The following NDUFA12 variants were observed in gnomAD, a reference collection of about 807,000 sequenced individuals.
NDUFA12 encodes NADH dehydrogenase [ubiquinone] 1 alpha subcomplex subunit 12.
Under a neutral mutation model 20.3 loss-of-function variants are expected in NDUFA12, and 17 were observed. The ratio of observed to expected loss-of-function variants is 0.84; its 90% CI spans 0.57 to 1.26. The LOEUF is 1.26. Among genes scored for constraint, NDUFA12 ranks in the 50% most tolerant of loss-of-function variants. The pLI is 0.00. For synonymous variants in NDUFA12, 72 were observed against 63.6 expected (o/e 1.13, Z -0.63); for missense variants, 191 against 183.7 (o/e 1.04, Z -0.23).
At chr12:94,986,421 T>C (rs879934530) in intron 3 of NDUFA12, among the ~76,000 whole-genome samples, 1 of 152,092 alleles carries the variant, frequency 6.6e-6, no homozygotes, top group Admixed American at 6.6e-5. Context: ...TCACTGTATA[T>C]TTGGAAATTG....
intron 2 of NDUFA12, 88 bp from the exon 3 acceptor site, chr12:94,994,345 A>T (rs1874749887): frequency 1.0e-6 from 1 of 977,310 alleles, no homozygotes; most frequent in Non-Finnish European, 1.6e-6. Flanking sequence ...CTTTTTATTA[A>T]GAAAAGACTT....
chr12:94,973,791 T>A (rs1873967196), intron 3 of NDUFA12, among the ~76,000 whole-genome samples: 1 of 152,072 alleles, frequency 6.6e-6, no homozygotes, highest in South Asian at 2.1e-4. Context: ...AATTAATAAA[T>A]AATAAACTAT....
At chr12:95,001,658 T>C (rs1171069646) in intron 2 of NDUFA12, among the ~76,000 whole-genome samples, 1 of 152,124 alleles carries the variant, frequency 6.6e-6, no homozygotes. Flanking sequence ...ATTTTTAAAA[T>C]ATAATAAAAC....
chr12:94,972,219 T>C (rs1360252994), intron 3 of NDUFA12, among the ~76,000 whole-genome samples: 1 of 152,120 alleles, frequency 6.6e-6, no homozygotes, highest in Non-Finnish European at 1.5e-5. Flanking sequence ...TGAGCCACCA[T>C]GCCCGGCCCA....
At chr12:94,971,655 G>A (rs772401357) in intron 3 of NDUFA12, 35 bp from the exon 4 acceptor site, 2 of 1,611,480 alleles carry the variant, frequency 1.2e-6, no homozygotes, top group African/African-American at 1.3e-5. Flanking sequence ...CAGTTATGAA[G>A]AGGCAGTACA....
intron 2 of NDUFA12, among the ~76,000 whole-genome samples, chr12:95,001,286 CA>C (rs11301433): frequency 0.31 from 46,504 of 151,786 alleles, 7,489 homozygotes; most frequent in East Asian, 0.42. Flanking sequence ...GCCTAGGCGA[CA>C]GTGAGACCCT....
At chr12:94,998,761 G>A (rs563362831) in intron 2 of NDUFA12, among the ~76,000 whole-genome samples, 1 of 152,134 alleles carries the variant, frequency 6.6e-6, no homozygotes, top group South Asian at 2.1e-4. Flanking sequence ...AAATACTTAG[G>A]AATATACTTA....
chr12:94,989,099 T>C (rs1316880640), intron 3 of NDUFA12, among the ~76,000 whole-genome samples: 1 of 152,194 alleles, frequency 6.6e-6, no homozygotes, highest in East Asian at 1.9e-4. Context: ...TTCTCCCCGC[T>C]TCTACGTCTT....
intron 3 of NDUFA12, among the ~76,000 whole-genome samples, chr12:94,986,535 T>C (rs2136065345): frequency 6.6e-6 from 1 of 152,280 alleles, no homozygotes; most frequent in Non-Finnish European, 1.5e-5. Flanking sequence ...TAAACATGTA[T>C]CAAAACATCA....
intron 2 of NDUFA12, among the ~76,000 whole-genome samples, chr12:95,002,484 T>A (rs1045786315): frequency 6.9e-6 from 1 of 144,122 alleles, no homozygotes; most frequent in East Asian, 2.0e-4. Context: ...CACTTCAAAA[T>A]TTGATAGGTG....
intron 2 of NDUFA12, chr12:94,996,906 C>A: frequency 2.9e-6 from 1 of 350,800 alleles, no homozygotes; most frequent in South Asian, 2.3e-5. Flanking sequence ...ATAATTACCC[C>A]AGGTTCTGCC....
At chr12:94,984,730 CAAAAAA>C (rs1874356990) in intron 3 of NDUFA12, among the ~76,000 whole-genome samples, 1 of 111,308 alleles carries the variant, frequency 9.0e-6, no homozygotes, top group South Asian at 2.8e-4. Context: ...AAAAAAACAA[CAAAAAA>C]CCCATATATA....
At position 94,995,479 on chromosome 12, in the gene NDUFA12, C is replaced by T. The variant is rs563556433; in HGVS notation, c.170-1222G>A. Reference sequence around the variant, plus strand: ...TCTGTCTGTCTCTCTCTCTGTATTTCTTGAAATGTTAAATGCCTATTCTCA... The same window carrying T: ...TCTGTCTGTCTCTCTCTCTGTATTTTTTGAAATGTTAAATGCCTATTCTCA... On this transcript the variant is annotated intron_variant, in intron 2 of 3. Coordinates refer to ENST00000327772, the MANE Select transcript of NDUFA12 (RefSeq NM_018838.5). Among the ~76,000 whole-genome samples the T allele has an allele frequency of 7.7e-4, 117 of 152,210 alleles. 1 individual carries two copies. The highest frequency in any genetic ancestry group is 2.7e-3 in the African/African-American group (114 of 41,524).
chr12:94,984,803 C>A (rs10859815), intron 3 of NDUFA12, among the ~76,000 whole-genome samples: 122,278 of 141,186 alleles, frequency 0.87, 53,088 homozygotes, highest in Middle Eastern at 0.9. Context: ...CATGGTGAAA[C>A]CCCATCTCTA....
At chr12:94,991,419 A>T (rs566217935) in intron 3 of NDUFA12, among the ~76,000 whole-genome samples, 2 of 151,416 alleles carry the variant, frequency 1.3e-5, no homozygotes, top group Non-Finnish European at 2.9e-5. Context: ...AAATATTTTT[A>T]AAAATTAATT....
intron 3 of NDUFA12, among the ~76,000 whole-genome samples, chr12:94,991,189 G>A (rs1874629754): frequency 6.6e-6 from 1 of 152,068 alleles, no homozygotes; most frequent in African/African-American, 2.4e-5. Flanking sequence ...AGGGGGCTGA[G>A]GCAGGAGGAT....
At chr12:94,972,326 G>T in intron 3 of NDUFA12, 1 of 298,700 alleles carries the variant, frequency 3.3e-6, no homozygotes, top group South Asian at 2.8e-5. Flanking sequence ...ATAAATTATG[G>T]CCACTACTGA....
chr12:95,003,083 C>T (rs972826231), intron 1 of NDUFA12, among the ~76,000 whole-genome samples: 1 of 152,146 alleles, frequency 6.6e-6, no homozygotes, highest in African/African-American at 2.4e-5. Context: ...TTAGCAAAAC[C>T]TTTAGGAAAT....
At chr12:94,979,789 C>T (rs1181318262) in intron 3 of NDUFA12, among the ~76,000 whole-genome samples, 1 of 150,218 alleles carries the variant, frequency 6.7e-6, no homozygotes. Flanking sequence ...GAGCTGAGAT[C>T]ATGCCACTGC....
Sources: allele counts gnomAD v4.1 joint callset (sites outside exome capture counted in the v4.1 genomes callset), GRCh38; gene constraint gnomAD v4.1.1; transcripts MANE v1.5; gene names NCBI Gene and HGNC (gene_info 2026-07-23, HGNC 2026-07-21).